The following SGSM1 variants were observed in gnomAD, a reference collection of about 807,000 sequenced individuals.
SGSM1 encodes RUN and TBC1 domain containing 2.
SGSM1 carries 73 observed loss-of-function variants against 133.8 expected under a neutral mutation model. That is an observed-to-expected ratio of 0.55 (90% CI 0.45 to 0.66). The LOEUF (loss-of-function observed/expected upper bound fraction) is 0.66. Among genes scored for constraint, SGSM1 ranks in the 30% least tolerant of loss-of-function variants. The pLI, the probability that SGSM1 is intolerant of heterozygous loss-of-function variation, is 0.00. For synonymous variants in SGSM1, 563 were observed against 573.0 expected (o/e 0.98, Z 0.25); for missense variants, 1,213 against 1,448.1 (o/e 0.84, Z 2.64).
rs530624794 is a variant in SGSM1 at position 24,888,772 on chromosome 22, C to A, written c.1770+2044C>A. The stretch of plus-strand genomic sequence containing the variant: ...CCAGCATGGGCAATAGAGCAAGACT[C>A]CATCTCAAAAAAACAAAACAACAAC... On this transcript the variant is annotated intron_variant, in intron 16 of 24. Transcript: ENST00000400358. Among the ~76,000 whole-genome samples the A allele has an allele frequency of 8.6e-5, 13 of 151,808 alleles. 1 individual carries two copies. The highest frequency in any genetic ancestry group is 3.1e-4 in the African/African-American group (13 of 41,480).
rs1269444569 is a variant in SGSM1 at position 24,926,831 on chromosome 22, CAG to C, written c.*2561_*2562del. On this transcript the variant is annotated 3_prime_UTR_variant, in exon 25 of 25. Coordinates refer to ENST00000400358, the MANE Select transcript of SGSM1 (RefSeq NM_001098497.3). The stretch of plus-strand genomic sequence containing the variant: ...TATATATAGAGAAAATATATATAAA[CAG>C]AGAAATATGTGAATCTGTTTTTTTT... 2 of 150,358 alleles carry C rather than the reference CAG, an allele frequency of 1.3e-5. No homozygotes were observed. The highest frequency in any genetic ancestry group is 3.0e-5 in the Non-Finnish European group (2 of 67,754). 9.3% of individuals were successfully genotyped at this position (150,358 alleles called of 1,614,324 possible).
intron 2 of SGSM1, among the ~76,000 whole-genome samples, chr22:24,841,505 T>A (rs1601911255): frequency 6.6e-6 from 1 of 152,230 alleles, no homozygotes; most frequent in East Asian, 1.9e-4. Context: ...AAGGCCTCTG[T>A]TTCCTTATTG....
intron 15 of SGSM1, 48 bp from the exon 16 acceptor site, chr22:24,886,552 C>T (rs537781541): frequency 2.6e-6 from 4 of 1,540,992 alleles, no homozygotes; most frequent in South Asian, 1.2e-5. Flanking sequence ...AAAACCACCC[C>T]CTGGTTTTCT....
intron 3 of SGSM1, among the ~76,000 whole-genome samples, chr22:24,845,977 CTTTCTTTCTTTCTTTCTTTCTT>C (rs1930110599): frequency 1.4e-5 from 2 of 144,382 alleles, no homozygotes; most frequent in African/African-American, 2.7e-5. Flanking sequence ...TTCTTTCTTT[CTTTCTTTCTTTCTTTCTTTCTT>C]TCTTTCTTTC....
Position 24,925,953 on chromosome 22 carries a change from TG to T in SGSM1, c.*1680del, listed in dbSNP as rs1934189061. On this transcript the variant is annotated 3_prime_UTR_variant, in exon 25 of 25. Coordinates refer to ENST00000400358, the MANE Select transcript of SGSM1 (RefSeq NM_001098497.3). Reference sequence around the variant, plus strand: ...AGCAGTCTTTCCCGCTCTTCTGTTCTGAGAATGCACCCGGAATGGGGGAAAC... The same window carrying T: ...AGCAGTCTTTCCCGCTCTTCTGTTCTAGAATGCACCCGGAATGGGGGAAAC... 2 of 152,224 alleles carry T rather than the reference TG, an allele frequency of 1.3e-5. No homozygotes were observed. The highest frequency in any genetic ancestry group is 6.5e-5 in the Admixed American group (1 of 15,280). The allele number at this position is 152,224 out of a possible 1,614,324, so 9.4% of individuals were successfully genotyped here.
intron 2 of SGSM1, among the ~76,000 whole-genome samples, chr22:24,826,983 C>T (rs1344248002): frequency 6.6e-6 from 1 of 152,106 alleles, no homozygotes; most frequent in African/African-American, 2.4e-5. Context: ...GTTTTTACCC[C>T]CCTAGAGTGC....
chr22:24,823,345 G>A (rs535371477), intron 2 of SGSM1, among the ~76,000 whole-genome samples: 5 of 152,288 alleles, frequency 3.3e-5, no homozygotes, highest in African/African-American at 7.2e-5. Flanking sequence ...GCTCGCACCT[G>A]TAATCCCAGC....
chr22:24,855,730 G>T (rs763434238), intron 8 of SGSM1, 50 bp downstream of exon 8: 26 of 1,613,618 alleles, frequency 1.6e-5, no homozygotes, highest in Non-Finnish European at 2.0e-5. Flanking sequence ...CTCACTCCAG[G>T]TTATAGAGGA....
At chr22:24,857,000 C>T (rs1930834134) in intron 8 of SGSM1, among the ~76,000 whole-genome samples, 1 of 152,016 alleles carries the variant, frequency 6.6e-6, no homozygotes, top group African/African-American at 2.4e-5. Flanking sequence ...AATCTCCTGA[C>T]CTTGTGATCT....
Position 24,898,274 on chromosome 22 carries a change from G to A in SGSM1, c.2325G>A (p.Glu775=). The A allele has an allele frequency of 1.2e-6, 2 of 1,613,902 alleles. No homozygotes were observed. Among genetic ancestry groups the A allele is most frequent in the South Asian group, 2.2e-5 (2 of 91,082 alleles). ...TTSQDEAPRE[E]LAVQDSLESD... The stretch of plus-strand genomic sequence containing the variant: ...CTCAGGATGAGGCTCCCCGGGAGGA[G>A]CTGGCCGTGCAGGACAGCCTGGAGA... The change falls in exon 19 of 25, where the codon GAG becomes GAA. Residue 775 remains glutamate, a synonymous_variant. Transcript: ENST00000400358.
intron 15 of SGSM1, 84 bp from the exon 16 acceptor site, chr22:24,886,516 C>T (rs1292734840): frequency 5.4e-6 from 8 of 1,492,692 alleles, no homozygotes; most frequent in South Asian, 3.9e-5. Context: ...CCAATCTGGC[C>T]AACATGGTGA....
intron 21 of SGSM1, among the ~76,000 whole-genome samples, chr22:24,910,421 G>A (rs540459508): frequency 5.9e-5 from 9 of 152,044 alleles, no homozygotes; most frequent in African/African-American, 2.2e-4. Context: ...TGGGAGGCAG[G>A]AGGATTGCTT....
At chr22:24,838,710 A>C (rs973817795) in intron 2 of SGSM1, among the ~76,000 whole-genome samples, 1 of 151,960 alleles carries the variant, frequency 6.6e-6, no homozygotes, top group African/African-American at 2.4e-5. Flanking sequence ...TGGGCTCTCT[A>C]TTCCATTTGT....
intron 16 of SGSM1, among the ~76,000 whole-genome samples, chr22:24,889,302 C>A (rs948001111): frequency 2.6e-5 from 4 of 151,880 alleles, no homozygotes; most frequent in African/African-American, 9.7e-5. Context: ...AGATGCAATT[C>A]ATATTTTTGA....
At chr22:24,837,315 CAGAGAG>C (rs1222583194) in intron 2 of SGSM1, among the ~76,000 whole-genome samples, 1 of 152,178 alleles carries the variant, frequency 6.6e-6, no homozygotes. Context: ...AGAGAGGAGA[CAGAGAG>C]AAAGACAGCT....
At chr22:24,881,591 C>CAA (rs534010178) in intron 14 of SGSM1, among the ~76,000 whole-genome samples, 1 of 149,938 alleles carries the variant, frequency 6.7e-6, no homozygotes, top group Admixed American at 6.7e-5. Context: ...CAAAACAAAA[C>CAA]AAAAAAAACC....
chr22:24,902,874 T>C (rs1005558837), intron 20 of SGSM1, among the ~76,000 whole-genome samples: 3 of 152,206 alleles, frequency 2.0e-5, no homozygotes, highest in South Asian at 4.2e-4. Context: ...ACCCCATCTC[T>C]ACAAAAGTTT....
At chr22:24,909,695 A>T (rs753717113) in intron 21 of SGSM1, among the ~76,000 whole-genome samples, 3 of 152,032 alleles carry the variant, frequency 2.0e-5, no homozygotes, top group Non-Finnish European at 4.4e-5. Flanking sequence ...ACCTCAGGTG[A>T]TCCACCCACC....
intron 4 of SGSM1, among the ~76,000 whole-genome samples, chr22:24,848,155 A>C (rs917102822): frequency 6.6e-6 from 1 of 151,490 alleles, no homozygotes; most frequent in Non-Finnish European, 1.5e-5. Flanking sequence ...TTGTCTGTCT[A>C]TCTCACTTGA....
Sources: allele counts gnomAD v4.1 joint callset (sites outside exome capture counted in the v4.1 genomes callset), GRCh38; gene constraint gnomAD v4.1.1; transcripts MANE v1.5; gene names NCBI Gene and HGNC (gene_info 2026-07-23, HGNC 2026-07-21).